ANO10: variants seen among roughly 807,000 people sequenced by gnomAD.
ANO10 encodes anoctamin 10.
A neutral mutation model predicts 74.7 loss-of-function variants in ANO10; 77 were observed. That is an observed-to-expected ratio of 1.03 (90% confidence interval 0.86 to 1.25). The LOEUF is 1.25. ANO10 is among the 50% of genes most tolerant of loss of function. ANO10 has a pLI of 0.00. For synonymous variants in ANO10, 279 were observed against 284.9 expected, an observed-to-expected ratio of 0.98 and a Z score of 0.21; for missense variants, 721 against 778.1, an observed-to-expected ratio of 0.93 and a Z score of 0.87.
At chr3:43,492,278 C>T (rs1395831744) in intron 11 of ANO10, among the ~76,000 whole-genome samples, 2 of 152,120 alleles carry the variant, frequency 1.3e-5, no homozygotes, top group South Asian at 2.1e-4. Flanking sequence ...ACACCTTATA[C>T]AAAAATCAAC....
intron 12 of ANO10, among the ~76,000 whole-genome samples, chr3:43,367,843 A>G (rs1368244312): frequency 6.6e-6 from 1 of 152,164 alleles, no homozygotes; most frequent in Non-Finnish European, 1.5e-5. Context: ...TTTTGATAAC[A>G]GTGATTCACC....
At chr3:43,449,254 T>C (rs6782442) in intron 11 of ANO10, among the ~76,000 whole-genome samples, 33,767 of 152,092 alleles carry the variant, frequency 0.22, 4,294 homozygotes, top group Middle Eastern at 0.36. Context: ...TTTACGTATT[T>C]TGCAAATATT....
At chr3:43,414,548 T>C (rs1159465380) in intron 12 of ANO10, among the ~76,000 whole-genome samples, 5 of 152,182 alleles carry the variant, frequency 3.3e-5, no homozygotes, top group Non-Finnish European at 4.4e-5. Context: ...TCTTCATTTC[T>C]AGAAATTCAT....
chr3:43,548,102 G>A (rs1161178026), intron 11 of ANO10, among the ~76,000 whole-genome samples: 2 of 152,132 alleles, frequency 1.3e-5, no homozygotes, highest in African/African-American at 2.4e-5. Flanking sequence ...CCACTGTTAC[G>A]GTATTGGTAA....
At chr3:43,617,324 T>G (rs1575556676) in intron 1 of ANO10, among the ~76,000 whole-genome samples, 1 of 151,964 alleles carries the variant, frequency 6.6e-6, no homozygotes, top group Non-Finnish European at 1.5e-5. Context: ...GAATGATTTC[T>G]GTATTGCAGC....
chr3:43,626,686 G>A (rs1485981624), upstream of ANO10, among the ~76,000 whole-genome samples: 2 of 152,094 alleles, frequency 1.3e-5, no homozygotes, highest in Non-Finnish European at 1.5e-5. Context: ...TATCTTGATA[G>A]CTACACATTT....
rs142968617 is a variant in ANO10 at position 43,553,825 on chromosome 3, G to A, written c.1668+1453C>T. The stretch of plus-strand genomic sequence containing the variant: ...GCTGGGATTACAGGCGTGAGCCACA[G>A]CACCCAGCTGATAATTTCTTTTATT... On this transcript the variant is annotated intron_variant, in intron 10 of 12. Coordinates refer to ENST00000292246, the MANE Select transcript of ANO10 (RefSeq NM_018075.5). 4.7e-3 allele frequency among the ~76,000 whole-genome samples: 716 copies of A among 152,194 alleles called. 5 individuals are homozygous for A. The highest frequency in any genetic ancestry group is 0.017 in the African/African-American group (688 of 41,530).
chr3:43,633,144 C>T (rs1403771204), intron 1 of ANO10, among the ~76,000 whole-genome samples: 1 of 152,150 alleles, frequency 6.6e-6, no homozygotes, highest in East Asian at 1.9e-4. Context: ...AAAGACCTAT[C>T]TCGTCCCCCC....
chr3:43,447,246 G>A (rs1354642623), intron 11 of ANO10, among the ~76,000 whole-genome samples: 1 of 152,202 alleles, frequency 6.6e-6, no homozygotes, highest in Non-Finnish European at 1.5e-5. Context: ...CTCGGTCAAA[G>A]GATATACACA....
chr3:43,530,033 G>C (rs928828894), intron 11 of ANO10, among the ~76,000 whole-genome samples: 1 of 152,046 alleles, frequency 6.6e-6, no homozygotes, highest in Non-Finnish European at 1.5e-5. Context: ...GTATACAAGA[G>C]ACACACTTAG....
chr3:43,649,488 G>C (rs2083763266), intron 1 of ANO10, among the ~76,000 whole-genome samples: 1 of 152,164 alleles, frequency 6.6e-6, no homozygotes. Context: ...TGTCACACTT[G>C]CTGAATGAAT....
chr3:43,592,597 C>T (rs2081845607), intron 4 of ANO10, among the ~76,000 whole-genome samples: 1 of 152,204 alleles, frequency 6.6e-6, no homozygotes. Context: ...CCCATCTGTA[C>T]ATCACCATGA....
chr3:43,536,244 T>C (rs1379584246), intron 11 of ANO10, among the ~76,000 whole-genome samples: 3 of 152,246 alleles, frequency 2.0e-5, no homozygotes, highest in Non-Finnish European at 2.9e-5. Context: ...TATTTATTAA[T>C]GATTCCACTG....
At chr3:43,627,122 A>G (rs2083499953) in intron 1 of ANO10, among the ~76,000 whole-genome samples, 1 of 152,248 alleles carries the variant, frequency 6.6e-6, no homozygotes, top group African/African-American at 2.4e-5. Context: ...CAAGGCCACC[A>G]TCCACCATTG....
Position 43,516,647 on chromosome 3 carries a change from G to C in ANO10, c.1797+33073C>G, listed in dbSNP as rs944287783. 8.5e-5 allele frequency among the ~76,000 whole-genome samples: 13 copies of C among 152,202 alleles called. No individual in the cohort carries two copies. In the South Asian group the frequency reaches 1.0e-3, roughly 12 times the overall value. On this transcript the variant is annotated intron_variant, in intron 11 of 12. Transcript: ENST00000292246. ...CAAGGATAGTAGTGAGGTGCTTACT[G>C]AAATACTCCAAATAAGACATGACAG...
intron 4 of ANO10, among the ~76,000 whole-genome samples, chr3:43,596,793 C>G (rs2082109305): frequency 6.6e-6 from 1 of 152,144 alleles, no homozygotes; most frequent in Admixed American, 6.5e-5. Context: ...AGCTTCTGCA[C>G]AGCAAAAGAA....
At chr3:43,529,670 A>C (rs1384788990) in intron 11 of ANO10, among the ~76,000 whole-genome samples, 2 of 152,200 alleles carry the variant, frequency 1.3e-5, no homozygotes, top group Non-Finnish European at 2.9e-5. Flanking sequence ...AGCAGAAGAG[A>C]AAAGGGAGAA....
chr3:43,629,990 A>G (rs1323650657), intron 1 of ANO10, among the ~76,000 whole-genome samples: 1 of 152,228 alleles, frequency 6.6e-6, no homozygotes, highest in African/African-American at 2.4e-5. Flanking sequence ...CAGAGCCTCA[A>G]TCATTAACTC....
Position 43,398,045 on chromosome 3 carries a change from G to C in ANO10, c.1915-31071C>G, listed in dbSNP as rs757055322. 5.3e-5 allele frequency among the ~76,000 whole-genome samples: 8 copies of C among 152,214 alleles called. No individual in the cohort carries two copies. The South Asian group carries it at 1.7e-3, about 32-fold the overall frequency. ...AAAACTGTATGATATTTAAATCCAG[G>C]TTTTACAGATTGAGAAACTGGGATT... On this transcript the variant is annotated intron_variant, in intron 12 of 12. Transcript: ENST00000292246.
Sources: gnomAD v4.1 joint callset for allele counts (sites outside exome capture counted in the v4.1 genomes callset) on GRCh38, gnomAD v4.1.1 for gene constraint, MANE v1.5 for transcripts, NCBI Gene and HGNC (gene_info 2026-07-23, HGNC 2026-07-21) for gene names.